The following ASB2 variants were observed in gnomAD, a reference collection of about 807,000 sequenced individuals.
ASB2 encodes ankyrin repeat and SOCS box containing 2.
ASB2 carries 58 observed loss-of-function variants against 62.4 expected under a neutral mutation model. The ratio of observed to expected loss-of-function variants is 0.93; its 90% CI spans 0.75 to 1.16. The LOEUF (loss-of-function observed/expected upper bound fraction) is 1.16. Ranked by LOEUF, ASB2 falls within the 50% of genes most tolerant of loss-of-function variation. The pLI is 0.00. For missense variants in ASB2, 928 were observed against 887.9 expected, an observed-to-expected ratio of 1.05 and a Z score of -0.57; for synonymous variants, 386 against 385.3, an observed-to-expected ratio of 1.00 and a Z score of -0.02.
At chr14:93,959,002 GTGA>G (rs1262461931) in intron 2 of ASB2, among the ~76,000 whole-genome samples, 23 of 152,218 alleles carry the variant, frequency 1.5e-4, no homozygotes, top group Non-Finnish European at 2.8e-4. Flanking sequence ...GAGGGAGCTG[GTGA>G]TGATGACAGT....
In ASB2 at chr14:93,947,481, G is replaced by A. The variant is rs1888773941; in HGVS notation, c.920C>T (p.Ala307Val). The change falls in exon 7 of 10, where the codon GCC becomes GTC. Residue 307 changes from alanine to valine, a missense_variant. Coordinates refer to ENST00000555019, the MANE Select transcript of ASB2 (RefSeq NM_001202429.2). ...INTQASDNAS[A>V]LYEACKNEHE... is the part of the protein sequence containing the mutation. Reference sequence around the variant, plus strand: ...CTCATTCTTGCAGGCCTCGTAGAGGGCAGACGCGTTGTCGCTGGCCTGCGT... The same window carrying A: ...CTCATTCTTGCAGGCCTCGTAGAGGACAGACGCGTTGTCGCTGGCCTGCGT... 1 of 1,614,224 alleles carries A rather than the reference G, an allele frequency of 6.2e-7. No individual in the cohort carries two copies. The highest frequency in any genetic ancestry group is 8.5e-7 in the Non-Finnish European group (1 of 1,180,054).
chr14:93,934,572 G>T lies in ASB2; in HGVS notation c.*84C>A. ...AGCCTGCAGCCTCGTCTGTCACCAG[G>T]TCCCCTTGGAGTTGGGAACACCGAC... On this transcript the variant is annotated 3_prime_UTR_variant, in exon 10 of 10. Transcript: ENST00000555019. 1 of 1,432,596 alleles carries T rather than the reference G, an allele frequency of 7.0e-7. No individual in the cohort carries two copies. The highest frequency in any genetic ancestry group is 9.7e-7 in the Non-Finnish European group (1 of 1,029,690). 88.7% of individuals were successfully genotyped at this position (1,432,596 alleles called of 1,614,324 possible).
At chr14:93,955,695 T>C (rs958581543) in intron 3 of ASB2, 5 of 156,032 alleles carry the variant, frequency 3.2e-5, no homozygotes, top group African/African-American at 9.6e-5. Context: ...CCAGCTGTGA[T>C]GCAAGGACCC....
At chr14:93,944,109 T>G (rs955564725) in intron 7 of ASB2, 2 of 426,734 alleles carry the variant, frequency 4.7e-6, no homozygotes, top group Non-Finnish European at 9.4e-6. Flanking sequence ...CCTTGAAGCC[T>G]CAGCCACGGC....
chr14:93,936,602 A>G (rs1888278681), intron 9 of ASB2, among the ~76,000 whole-genome samples: 1 of 152,256 alleles, frequency 6.6e-6, no homozygotes, highest in African/African-American at 2.4e-5. Context: ...AAAGGCTTCA[A>G]TTCAAGTGGC....
At chr14:93,947,040 GATA>G (rs1888752547) in intron 7 of ASB2, among the ~76,000 whole-genome samples, 1 of 152,228 alleles carries the variant, frequency 6.6e-6, no homozygotes, top group African/African-American at 2.4e-5. Flanking sequence ...AAACAACAGA[GATA>G]ATAATATCCA....
rs3835252 is a variant in ASB2 at position 93,956,981 on chromosome 14, T to TGACA, written c.207-115_207-112dup. 0.052 allele frequency: 82,209 copies of TGACA among 1,567,456 alleles called. 11,946 individuals carry two copies. In the East Asian group the frequency reaches 0.63, roughly 12 times the overall value. On this transcript the variant is annotated intron_variant, in intron 2 of 9. Coordinates refer to ENST00000555019, the MANE Select transcript of ASB2 (RefSeq NM_001202429.2). ...GAGGGAGAGCCAGGGAGAGACTGAC[T>TGACA]GACAGACACAGGGCTCTGAACCAAA...
At position 93,951,080 on chromosome 14, in the gene ASB2, T is replaced by C; in HGVS notation, c.799A>G (p.Lys267Glu). The change falls in exon 6 of 10, where the codon AAG (lysine) becomes GAG (glutamate). Residue 267 changes from lysine to glutamate, a missense_variant. Coordinates refer to ENST00000555019, the MANE Select transcript of ASB2 (RefSeq NM_001202429.2). The stretch of plus-strand genomic sequence containing the variant: ...AAGGGGGTGATGCCGTAGGCGTTCT[T>C]GGATTCCACCTTGGCTCCTCCGCTC... ...LVSGGAKVES[K>E]NAYGITPLFV... 3 of 1,614,212 alleles carry C rather than the reference T, an allele frequency of 1.9e-6. No individual in the cohort carries two copies. The South Asian group carries it at 3.3e-5, about 18-fold the overall frequency.
chr14:93,939,790 C>T (rs1246059685), intron 7 of ASB2, 118 bp from the exon 8 acceptor site: 2 of 813,186 alleles, frequency 2.5e-6, no homozygotes, highest in East Asian at 6.8e-5. Flanking sequence ...TGACCGCGGG[C>T]TGCGACGCGG....
intron 1 of ASB2, among the ~76,000 whole-genome samples, chr14:93,966,695 T>G (rs976780673): frequency 2.6e-5 from 4 of 152,228 alleles, no homozygotes; most frequent in Non-Finnish European, 5.9e-5. Context: ...TTAGTTGGGT[T>G]TTCTCTTATA....
chr14:93,973,338 T>A (rs1889815140), intron 1 of ASB2, among the ~76,000 whole-genome samples: 1 of 152,118 alleles, frequency 6.6e-6, no homozygotes, highest in African/African-American at 2.4e-5. Flanking sequence ...TAACGAAAAG[T>A]CTTGGTAATT....
chr14:93,964,291 TC>T (rs1294699213), intron 2 of ASB2, 42 bp downstream of exon 2: 2 of 1,510,226 alleles, frequency 1.3e-6, no homozygotes, highest in African/African-American at 2.8e-5. Flanking sequence ...TCTGTGGATG[TC>T]CTGGATGGCC....
chr14:93,958,127 C>T (rs1286798157), intron 2 of ASB2, among the ~76,000 whole-genome samples: 3 of 152,172 alleles, frequency 2.0e-5, no homozygotes, highest in African/African-American at 7.2e-5. Flanking sequence ...TCAGGGCTGC[C>T]TGCAGGCCTG....
chr14:93,941,675 C>T, intron 7 of ASB2: 1 of 456,112 alleles, frequency 2.2e-6, no homozygotes, highest in Non-Finnish European at 4.4e-6. Flanking sequence ...GTAACGTGCC[C>T]AAGAACGGGA....
chr14:93,946,435 G>T (rs1000741705), intron 7 of ASB2, among the ~76,000 whole-genome samples: 1 of 152,250 alleles, frequency 6.6e-6, no homozygotes, highest in African/African-American at 2.4e-5. Context: ...GCTCAAGCAA[G>T]GGCAGAGAAG....
intron 7 of ASB2, among the ~76,000 whole-genome samples, chr14:93,944,456 G>T (rs921657798): frequency 6.6e-6 from 1 of 152,266 alleles, no homozygotes; most frequent in Non-Finnish European, 1.5e-5. Context: ...TCGGCTCCTG[G>T]TGCTGCCTTC....
Position 93,951,218 on chromosome 14 carries a change from C to A in ASB2, c.661G>T (p.Val221Leu). The A allele has an allele frequency of 6.2e-7, 1 of 1,606,718 alleles. No homozygotes were observed. The highest frequency in any genetic ancestry group is 8.5e-7 in the Non-Finnish European group (1 of 1,176,750). Residue 221 changes from valine to leucine, a missense_variant, in exon 6 of 10, where the codon GTG becomes TTG. By Grantham distance (32) the Val-to-Leu change is conservative. Transcript: ENST00000555019. ...KACERKNAEA[V>L]KILVQHNADT... ...GCATTGTGCTGCACCAGAATCTTCA[C>A]GGCCTCCGCGTTCTTGCGCTCGCAG... is the stretch of plus-strand genomic sequence containing the variant.
intron 7 of ASB2, among the ~76,000 whole-genome samples, chr14:93,940,759 C>T (rs1888488347): frequency 6.6e-6 from 1 of 152,214 alleles, no homozygotes; most frequent in Non-Finnish European, 1.5e-5. Context: ...CAGCACTTTA[C>T]CTCTATTCAT....
intron 2 of ASB2, among the ~76,000 whole-genome samples, chr14:93,958,747 C>A (rs557364280): frequency 6.6e-6 from 1 of 152,322 alleles, no homozygotes; most frequent in South Asian, 2.1e-4. Context: ...CCAGGCTCAC[C>A]TCAGCTGTCT....
Sources: gnomAD v4.1 joint callset for allele counts (sites outside exome capture counted in the v4.1 genomes callset) on GRCh38, gnomAD v4.1.1 for gene constraint, MANE v1.5 for transcripts, NCBI Gene and HGNC (gene_info 2026-07-23, HGNC 2026-07-21) for gene names.